TTLL4: variants seen among roughly 807,000 people sequenced by gnomAD.
TTLL4 encodes tubulin monoglutamylase TTLL4.
TTLL4 carries 85 observed loss-of-function variants against 122.7 expected under a neutral mutation model. That is an observed-to-expected ratio of 0.69 (90% CI 0.58 to 0.83). The LOEUF (loss-of-function observed/expected upper bound fraction) is 0.83. Ranked by LOEUF, TTLL4 falls within the 40% of genes least tolerant of loss-of-function variation. The pLI is 0.00. For synonymous variants in TTLL4, 553 were observed against 563.0 expected, an observed-to-expected ratio of 0.98 and a Z score of 0.25; for missense variants, 1,363 against 1,488.6, an observed-to-expected ratio of 0.92 and a Z score of 1.39.
rs756102926 is a variant in TTLL4 at position 218,753,102 on chromosome 2, A to G, written c.3188-13A>G. 127 of 1,614,034 alleles carry G rather than the reference A, an allele frequency of 7.9e-5. No individual in the cohort carries two copies. Among genetic ancestry groups the G allele is most frequent in the Non-Finnish European group, 9.9e-5 (117 of 1,180,012 alleles). On this transcript the variant is annotated splice_polypyrimidine_tract_variant and intron_variant, in intron 17 of 19. Transcript: ENST00000392102. ...ACCTTCTTAAACCCCAACTCCTGCT[A>G]ATCTTGTCCTAGGAGTAGATCTGCT...
At position 218,747,883 on chromosome 2, in the gene TTLL4, G is replaced by T; in HGVS notation, c.2378+158G>T. On this transcript the variant is annotated intron_variant, in intron 11 of 19. Coordinates refer to ENST00000392102, the MANE Select transcript of TTLL4 (RefSeq NM_014640.5). The surrounding 1 kb of genome is among the most constrained non-coding windows in gnomAD (Gnocchi z 4.7). ...GGAGGCTCTCTACTTCGTTAAATCT[G>T]GGGAGGGTCTTCCTGCATGCGGGAC... 8.2e-7 allele frequency: 1 copy of T among 1,217,198 alleles called. No individual in the cohort carries two copies. The allele number at this position is 1,217,198 out of a possible 1,614,324, so 75.4% of individuals were successfully genotyped here.
At position 218,745,104 on chromosome 2, in the gene TTLL4, C is replaced by G. The variant is rs1469504837; in HGVS notation, c.1662-5C>G. The G allele has an allele frequency of 6.2e-7, 1 of 1,613,774 alleles. No homozygotes were observed. Among genetic ancestry groups the G allele is most frequent in the Non-Finnish European group, 8.5e-7 (1 of 1,179,798 alleles). On this transcript the variant is annotated splice_polypyrimidine_tract_variant and splice_region_variant and intron_variant, in intron 5 of 19. Transcript: ENST00000392102. ...TCTCTACTCCATGTTTGTTTTTCGT[C>G]TTAGAAGCTGTATGGAAATTCTGAC...
rs1433018500 is a variant in TTLL4 at position 218,740,550 on chromosome 2, G to A, written c.1627G>A (p.Val543Ile). Residue 543 changes from valine to isoleucine, a missense_variant, in exon 5 of 20, where the codon GTC becomes ATC. This residue lies in a region of TTLL4 where 760 missense variants were observed against 808.4 expected (regional missense o/e 0.94). Transcript: ENST00000392102. ...GDSECSSLSA[V>I]SPSESVAMIS... is the part of the protein sequence containing the mutation. Reference sequence around the variant, plus strand: ...CTCAGAGTGCTCCTCATTAAGTGCTGTCTCCCCCAGCGAATCGGTGGCCAT... The same window carrying A: ...CTCAGAGTGCTCCTCATTAAGTGCTATCTCCCCCAGCGAATCGGTGGCCAT... The A allele has an allele frequency of 1.2e-6, 2 of 1,614,106 alleles. No homozygotes were observed. The highest frequency in any genetic ancestry group is 2.2e-5 in the East Asian group (1 of 44,882).
intron 2 of TTLL4, among the ~76,000 whole-genome samples, chr2:218,732,359 G>GA (rs1210846375): frequency 2.6e-5 from 4 of 152,092 alleles, no homozygotes. Flanking sequence ...TACTTCCTGG[G>GA]AGATGAGCAG....
At chr2:218,739,358 A>G (rs931101902) in intron 3 of TTLL4, among the ~76,000 whole-genome samples, 195 bp downstream of exon 3, 18 of 152,178 alleles carry the variant, frequency 1.2e-4, no homozygotes, top group African/African-American at 3.9e-4. Flanking sequence ...GCTTTTGTAA[A>G]TAAAGTTTTG....
At position 218,752,813 on chromosome 2, in the gene TTLL4, T is replaced by C. The variant is rs1379442638; in HGVS notation, c.3027T>C (p.Ile1009=). Residue 1009 remains isoleucine, a synonymous_variant, in exon 17 of 20, where the codon ATT becomes ATC. Coordinates refer to ENST00000392102, the MANE Select transcript of TTLL4 (RefSeq NM_014640.5). ...TCCTGACACCAGATGATGTTCGGATTCTGGTTGAGATGGAAGATGAGTTTT... is the reference window on the plus strand; with the variant it reads ...TCCTGACACCAGATGATGTTCGGATCCTGGTTGAGATGGAAGATGAGTTTT... The part of the protein sequence containing the change: ...LDVLTPDDVR[I]LVEMEDEFSR... The C allele has an allele frequency of 3.1e-6, 5 of 1,614,092 alleles. No homozygotes were observed. The highest frequency in any genetic ancestry group is 1.6e-4 in the Middle Eastern group (1 of 6,084).
intron 5 of TTLL4, among the ~76,000 whole-genome samples, chr2:218,741,247 T>C (rs2106439976): frequency 6.6e-6 from 1 of 152,162 alleles, no homozygotes; most frequent in South Asian, 2.1e-4. Flanking sequence ...AACAATTAGC[T>C]GGGTATGGTG....
At chr2:218,752,199 C>G (rs113772648) in intron 16 of TTLL4, among the ~76,000 whole-genome samples, 7,505 of 152,280 alleles carry the variant, frequency 0.049, 542 homozygotes, top group African/African-American at 0.16. Flanking sequence ...TGAGCCACCA[C>G]GCCTGGCTGC....
chr2:218,730,311 C>CAAAAAAAAA (rs548186206), intron 2 of TTLL4, among the ~76,000 whole-genome samples: 639 of 14,254 alleles, frequency 0.045, 187 homozygotes, highest in East Asian at 0.083. Flanking sequence ...ACTAAAAATC[C>CAAAAAAAAA]AAAAAAAAAA....
chr2:218,720,035 A>G (rs1397297259), intron 1 of TTLL4, among the ~76,000 whole-genome samples: 2 of 152,204 alleles, frequency 1.3e-5, no homozygotes, highest in East Asian at 3.8e-4. Flanking sequence ...AAAGTCAGAA[A>G]TAACTTAGTT....
At position 218,728,233 on chromosome 2, in the gene TTLL4, A is replaced by G. The variant is rs972907865; in HGVS notation, c.-99+886A>G. On this transcript the variant is annotated intron_variant, in intron 2 of 19. Coordinates refer to ENST00000392102, the MANE Select transcript of TTLL4 (RefSeq NM_014640.5). The stretch of plus-strand genomic sequence containing the variant: ...TTGTGCACTCTATTTCTGTAAATAC[A>G]TTGTAATATATAATGAAATAATTAT... 1.2e-4 allele frequency among the ~76,000 whole-genome samples: 19 copies of G among 152,320 alleles called. 1 individual carries two copies. Among genetic ancestry groups the G allele is most frequent in the African/African-American group, 4.6e-4 (19 of 41,564 alleles).
intron 16 of TTLL4, 100 bp downstream of exon 16, chr2:218,751,906 T>TTA: frequency 1.5e-6 from 1 of 654,106 alleles, no homozygotes; most frequent in Non-Finnish European, 2.2e-6. Context: ...TTTCTTTTCT[T>TTA]TTTCTTTTTT....
chr2:218,750,541 T>TA (rs5838708), intron 15 of TTLL4, among the ~76,000 whole-genome samples: 7,200 of 146,944 alleles, frequency 0.049, 199 homozygotes, highest in Middle Eastern at 0.083. Flanking sequence ...ATGTTGTTTC[T>TA]AAAAAAAAAA....
chr2:218,715,910 G>A (rs753559546), intron 1 of TTLL4, among the ~76,000 whole-genome samples: 3 of 152,164 alleles, frequency 2.0e-5, no homozygotes, highest in Admixed American at 6.5e-5. Flanking sequence ...GATTACAGGC[G>A]TGAGCCACCA....
Position 218,738,519 on chromosome 2 carries a change from C to G in TTLL4, c.843C>G (p.Ala281=). ...PKSIGTVPAD[A]SAHIALSTAS... is the part of the protein sequence containing the mutation. ...GCATTGGCACTGTCCCAGCTGATGC[C>G]AGTGCCCATATCGCCTTGTCTACCG... The change falls in exon 3 of 20, where the codon GCC becomes GCG. Residue 281 remains alanine (A), a synonymous_variant. Coordinates refer to ENST00000392102, the MANE Select transcript of TTLL4 (RefSeq NM_014640.5). 2 of 1,614,142 alleles carry G rather than the reference C, an allele frequency of 1.2e-6. No homozygotes were observed. Among genetic ancestry groups the G allele is most frequent in the South Asian group, 2.2e-5 (2 of 91,066 alleles).
intron 2 of TTLL4, among the ~76,000 whole-genome samples, chr2:218,730,054 A>G (rs537740274): frequency 3.5e-4 from 53 of 152,238 alleles, no homozygotes; most frequent in African/African-American, 1.0e-3. Flanking sequence ...AGGATTTTCT[A>G]TGTACAAGAT....
chr2:218,758,457 TATAAA>T (rs2106471610), downstream of TTLL4, among the ~76,000 whole-genome samples: 1 of 152,274 alleles, frequency 6.6e-6, no homozygotes, highest in African/African-American at 2.4e-5. Flanking sequence ...ACCCAGAACA[TATAAA>T]GTAAAAGCAC....
At chr2:218,713,279 T>G (rs1941767155) in intron 1 of TTLL4, among the ~76,000 whole-genome samples, 1 of 152,166 alleles carries the variant, frequency 6.6e-6, no homozygotes, top group South Asian at 2.1e-4. Context: ...CAGCTATTTG[T>G]AGGCTGAGGT....
intron 5 of TTLL4, among the ~76,000 whole-genome samples, chr2:218,743,700 A>G (rs543848691): frequency 2.8e-4 from 42 of 150,332 alleles, no homozygotes; most frequent in Admixed American, 5.9e-4. Context: ...TTTTTTTGAG[A>G]TGGAGTTTTG....
Sources: allele counts gnomAD v4.1 joint callset (sites outside exome capture counted in the v4.1 genomes callset), GRCh38; gene constraint gnomAD v4.1.1; regional missense constraint gnomAD v4.1.1; non-coding constraint Gnocchi (gnomAD v3.1); transcripts MANE v1.5; gene names NCBI Gene and HGNC (gene_info 2026-07-23, HGNC 2026-07-21).